MED23: variants seen among roughly 807,000 people sequenced by gnomAD.
MED23 encodes the protein mediator of RNA polymerase II transcription subunit 23.
MED23 carries 105 observed loss-of-function variants against 163.9 expected under a neutral mutation model. The ratio of observed to expected loss-of-function variants is 0.64; its 90% CI spans 0.55 to 0.75. The LOEUF (loss-of-function observed/expected upper bound fraction) is 0.75. Ranked by LOEUF, MED23 falls within the 30% of genes least tolerant of loss-of-function variation. The pLI is 0.00. For synonymous variants in MED23, 561 were observed against 565.6 expected, an observed-to-expected ratio of 0.99 and a Z score of 0.12; for missense variants, 1,054 against 1,649.0, an observed-to-expected ratio of 0.64 and a Z score of 6.25.
At chr6:131,615,310 G>A (rs771334344) in intron 10 of MED23, 3 of 1,611,174 alleles carry the variant, frequency 1.9e-6, no homozygotes, top group East Asian at 2.2e-5. Flanking sequence ...ACAACAGTAA[G>A]GTTGTGAACA....
chr6:131,594,017 ATTACT>A, intron 23 of MED23, 77 bp downstream of exon 23: 5 of 1,206,778 alleles, frequency 4.1e-6, no homozygotes, highest in Non-Finnish European at 5.9e-6. Context: ...TACATAAAAA[ATTACT>A]TTAAAAGAAA....
rs768981315 is a variant in MED23, at chr6:131,600,115, T to C, written c.2143A>G (p.Ile715Val). ...DSIQGTWCKD[I>V]LQTIMSFTPH... is the part of the protein sequence containing the mutation. ...GTGAAACTCATGATGGTCTGAAGTA[T>C]GTCTTTACACCAAGTTCCCTGAATT... The change falls in exon 18 of 29, where the codon ATA (isoleucine) becomes GTA (valine). Residue 715 changes from isoleucine (I) to valine (V), a missense_variant. Coordinates refer to ENST00000368068, the MANE Select transcript of MED23 (RefSeq NM_004830.4). 2 of 1,613,202 alleles carry C rather than the reference T, an allele frequency of 1.2e-6. No individual in the cohort carries two copies. The highest frequency in any genetic ancestry group is 1.7e-6 in the Non-Finnish European group (2 of 1,179,196).
At chr6:131,615,691 T>TA (rs1776637015) in intron 10 of MED23, 1 of 625,378 alleles carries the variant, frequency 1.6e-6, no homozygotes, top group Non-Finnish European at 2.8e-6. Flanking sequence ...CAATGCAAAA[T>TA]AAACCAACTT....
At chr6:131,584,816 TACACACACACACAC>T (rs59196638), downstream of MED23, among the ~76,000 whole-genome samples, 3 of 134,144 alleles carry the variant, frequency 2.2e-5, no homozygotes, top group East Asian at 2.3e-4. Flanking sequence ...CTACAAAAAA[TACACACACACACAC>T]ACACACACAC....
chr6:131,588,755 T>C (rs1198003955), intron 28 of MED23, among the ~76,000 whole-genome samples: 1 of 152,146 alleles, frequency 6.6e-6, no homozygotes, highest in Non-Finnish European at 1.5e-5. Context: ...AGATTCTGTT[T>C]CCTACACGTA....
chr6:131,585,347 T>C (rs1774141261), downstream of MED23, among the ~76,000 whole-genome samples: 2 of 152,232 alleles, frequency 1.3e-5, no homozygotes, highest in African/African-American at 4.8e-5. Context: ...ATTTCTCCTG[T>C]GTTTTTGTTT....
chr6:131,574,470 G>T (rs751425431), intron 30 of MED23, among the ~76,000 whole-genome samples: 2 of 152,092 alleles, frequency 1.3e-5, no homozygotes, highest in Non-Finnish European at 2.9e-5. Flanking sequence ...ACCCACTCTT[G>T]AACAGGTTAT....
intron 4 of MED23, 55 bp from the exon 5 acceptor site, chr6:131,623,517 T>C: frequency 7.2e-7 from 1 of 1,379,590 alleles, no homozygotes; most frequent in African/African-American, 1.4e-5. Flanking sequence ...CCAAGTTCTC[T>C]AATAGCCGCC....
intron 30 of MED23, among the ~76,000 whole-genome samples, chr6:131,575,242 T>C (rs549936624): frequency 1.3e-5 from 2 of 152,354 alleles, no homozygotes; most frequent in East Asian, 3.9e-4. Context: ...CAAGGAGTTT[T>C]ATCAAACTGA....
At chr6:131,577,163 C>T (rs967523781) in intron 30 of MED23, among the ~76,000 whole-genome samples, 47 of 152,184 alleles carry the variant, frequency 3.1e-4, no homozygotes, top group African/African-American at 1.1e-3. Flanking sequence ...TGTATATATA[C>T]ATACATATAC....
chr6:131,619,791 A>G (rs377025364), intron 8 of MED23, 36 bp downstream of exon 8: 2 of 1,425,864 alleles, frequency 1.4e-6, no homozygotes, highest in Admixed American at 1.7e-5. Flanking sequence ...ACTAAAAATC[A>G]GGTACTATTT....
At chr6:131,615,647 G>A (rs1423477289) in intron 10 of MED23, 2 of 575,342 alleles carry the variant, frequency 3.5e-6, no homozygotes, top group Non-Finnish European at 6.1e-6. Flanking sequence ...TCTGGCAAAA[G>A]GTATACTTGA....
At chr6:131,616,091 G>C (rs1002023263) in intron 9 of MED23, 89 bp from the exon 10 acceptor site, 1 of 1,063,876 alleles carries the variant, frequency 9.4e-7, no homozygotes, top group Non-Finnish European at 1.4e-6. Flanking sequence ...ATCCTCTAAA[G>C]GCACTTGTTA....
chr6:131,610,151 C>T lies in MED23; in HGVS notation c.972G>A (p.Gly324=). The T allele has an allele frequency of 6.2e-7, 1 of 1,613,972 alleles. No individual in the cohort carries two copies. The highest frequency in any genetic ancestry group is 8.5e-7 in the Non-Finnish European group (1 of 1,179,950). ...RSETEEKFDD[G]GTSQLLWQHL... is the part of the protein sequence containing the mutation. The stretch of plus-strand genomic sequence containing the variant: ...GCTGCCACAGGAGTTGGCTTGTTCC[C>T]CCATCGTCAAACTTCTCCTCGGTCT... Residue 324 remains glycine (G), a synonymous_variant, in exon 11 of 29, where the codon GGG becomes GGA. Transcript: ENST00000368068.
At position 131,610,155 on chromosome 6, in the gene MED23, T is replaced by C. The variant is rs752313112; in HGVS notation, c.968A>G (p.Asp323Gly). ...CCACAGGAGTTGGCTTGTTCCCCCA[T>C]CGTCAAACTTCTCCTCGGTCTCAGA... ...ERSETEEKFD[D>G]GGTSQLLWQH... The change falls in exon 11 of 29, where the codon GAT becomes GGT. Residue 323 changes from aspartate to glycine, a missense_variant. By Grantham distance (94) the Asp-to-Gly change is moderately conservative (BLOSUM62 -1). Coordinates refer to ENST00000368068, the MANE Select transcript of MED23 (RefSeq NM_004830.4). 2 of 1,614,020 alleles carry C rather than the reference T, an allele frequency of 1.2e-6. No homozygotes were observed. The highest frequency in any genetic ancestry group is 1.7e-6 in the Non-Finnish European group (2 of 1,179,950).
intron 9 of MED23, among the ~76,000 whole-genome samples, chr6:131,616,789 C>A (rs189885472): frequency 6.6e-6 from 1 of 152,270 alleles, no homozygotes; most frequent in Non-Finnish European, 1.5e-5. Flanking sequence ...CCACTATACT[C>A]CAGCCTGGGT....
intron 5 of MED23, among the ~76,000 whole-genome samples, chr6:131,623,122 C>T (rs1292314493): frequency 6.6e-6 from 1 of 152,152 alleles, no homozygotes; most frequent in Non-Finnish European, 1.5e-5. Context: ...CTTCCCTGCT[C>T]TTCATAAAAA....
Position 131,593,190 on chromosome 6 carries a change from A to G in MED23, c.3233-19T>C, listed in dbSNP as rs201260648. 9.9e-6 allele frequency: 16 copies of G among 1,614,070 alleles called. No homozygotes were observed. The highest frequency in any genetic ancestry group is 4.4e-5 in the South Asian group (4 of 91,078). On this transcript the variant is annotated intron_variant, in intron 23 of 28. Transcript: ENST00000368068. ...GCCATCGGTGCACACAGTTAAAGCA[A>G]TAACAATTGGACTATCTCATCTGAT... is the stretch of plus-strand genomic sequence containing the variant.
chr6:131,584,507 C>G (rs561984620), downstream of MED23, among the ~76,000 whole-genome samples: 1 of 152,036 alleles, frequency 6.6e-6, no homozygotes, highest in South Asian at 2.1e-4. Flanking sequence ...ACTGTGAGGC[C>G]TTGAAACTAT....
Sources: gnomAD v4.1 joint callset for allele counts (sites outside exome capture counted in the v4.1 genomes callset) on GRCh38, gnomAD v4.1.1 for gene constraint, MANE v1.5 for transcripts, NCBI Gene and HGNC (gene_info 2026-07-23, HGNC 2026-07-21) for gene names.